The following CRACD variants were observed in gnomAD, a reference collection of about 807,000 sequenced individuals.
CRACD encodes capping protein-inhibiting regulator of actin dynamics.
Under a neutral mutation model 106.8 loss-of-function variants are expected in CRACD, and 56 were observed. The observed-to-expected ratio is 0.52, with a 90% CI of 0.42 to 0.66. CRACD has a LOEUF of 0.66. Ranked by LOEUF, CRACD falls within the 30% of genes least tolerant of loss-of-function variation. CRACD has a pLI of 0.00. For missense variants in CRACD, 1,730 were observed against 1,623.2 expected (o/e 1.07, Z -1.13); for synonymous variants, 754 against 670.8 (o/e 1.12, Z -1.92).
chr4:56,323,616 C>T (rs1289763311), intron 9 of CRACD, 49 bp downstream of exon 9: 1 of 1,456,970 alleles, frequency 6.9e-7, no homozygotes, highest in Non-Finnish European at 9.1e-7. Context: ...GAGCTTGGTT[C>T]TCTTTTCAGT....
chr4:56,276,090 G>A (rs376463749), intron 3 of CRACD, among the ~76,000 whole-genome samples: 1 of 152,134 alleles, frequency 6.6e-6, no homozygotes, highest in East Asian at 1.9e-4. Context: ...CTTTCTCTAG[G>A]TTAGAAGCCT....
rs531334934 is a variant in CRACD, at chr4:56,122,195, A to G, written c.-335-57089A>G. Among the ~76,000 whole-genome samples the G allele has an allele frequency of 3.9e-5, 6 of 152,032 alleles. No homozygotes were observed. The East Asian group carries it at 1.2e-3, about 29-fold the overall frequency. On this transcript the variant is annotated intron_variant, in intron 1 of 10. Transcript: ENST00000682029. ...TGAGATTCCATCTCTTTAAAAAAAA[A>G]TGTCCTTGTATTGTGCAAGAGGAGA...
chr4:56,287,867 A>T (rs1318932311), intron 3 of CRACD, among the ~76,000 whole-genome samples: 1 of 152,196 alleles, frequency 6.6e-6, no homozygotes, highest in Non-Finnish European at 1.5e-5. Flanking sequence ...GAGTTAGATC[A>T]AAGGGCTTAA....
chr4:56,278,173 G>A (rs1742786895), intron 3 of CRACD, among the ~76,000 whole-genome samples: 1 of 152,078 alleles, frequency 6.6e-6, no homozygotes, highest in Non-Finnish European at 1.5e-5. Context: ...AAATTCATAT[G>A]GAATTGCAGG....
At chr4:56,194,556 C>CT (rs1354811401) in intron 2 of CRACD, among the ~76,000 whole-genome samples, 3 of 152,166 alleles carry the variant, frequency 2.0e-5, no homozygotes, top group African/African-American at 7.2e-5. Flanking sequence ...GATATACAGC[C>CT]TTTGGGGGGT....
chr4:56,200,275 A>G (rs1252167255), intron 2 of CRACD, among the ~76,000 whole-genome samples: 1 of 152,122 alleles, frequency 6.6e-6, no homozygotes, highest in Non-Finnish European at 1.5e-5. Context: ...CTAGAACCTC[A>G]TTTTTTTATA....
chr4:56,110,888 C>T (rs765085192), intron 1 of CRACD, among the ~76,000 whole-genome samples: 1 of 152,254 alleles, frequency 6.6e-6, no homozygotes, highest in South Asian at 2.1e-4. Flanking sequence ...TGAGCCGCTG[C>T]GTCCAGCCTA....
At chr4:56,262,672 G>A (rs993722205) in intron 2 of CRACD, among the ~76,000 whole-genome samples, 11 of 152,162 alleles carry the variant, frequency 7.2e-5, no homozygotes, top group African/African-American at 2.4e-4. Context: ...TACCAATCAC[G>A]TTGAAACAAA....
intron 2 of CRACD, among the ~76,000 whole-genome samples, chr4:56,204,691 A>G (rs1738040594): frequency 6.6e-6 from 1 of 152,220 alleles, no homozygotes; most frequent in Non-Finnish European, 1.5e-5. Context: ...CAAGAAAGAA[A>G]AGAACTTAAA....
chr4:56,162,150 TG>T (rs1463755148), intron 1 of CRACD, among the ~76,000 whole-genome samples: 1 of 152,008 alleles, frequency 6.6e-6, no homozygotes, highest in African/African-American at 2.4e-5. Flanking sequence ...GGATCAGAGA[TG>T]GGTAGATTTT....
At position 56,179,312 on chromosome 4, in the gene CRACD, C is replaced by G. The variant is rs1420385891; in HGVS notation, c.-307C>G. The G allele has an allele frequency of 6.6e-6, 1 of 151,580 alleles. No individual in the cohort carries two copies. Among genetic ancestry groups the G allele is most frequent in the Non-Finnish European group, 1.5e-5 (1 of 67,904 alleles). 9.4% of individuals were successfully genotyped at this position (151,580 alleles called of 1,614,324 possible). ...ACAAGAGCAGTGATTCCCAGGCTTT[C>G]TCAGCAATGTACCCCATTTCCTGAC... On this transcript the variant is annotated 5_prime_UTR_variant, in exon 2 of 11. Transcript: ENST00000682029.
intron 2 of CRACD, among the ~76,000 whole-genome samples, chr4:56,211,527 A>G (rs894987512): frequency 6.6e-6 from 1 of 152,230 alleles, no homozygotes; most frequent in Non-Finnish European, 1.5e-5. Context: ...AAGAATGAGT[A>G]TACGCTGACA....
chr4:56,187,901 C>T (rs963718190), intron 2 of CRACD, among the ~76,000 whole-genome samples: 2 of 152,096 alleles, frequency 1.3e-5, no homozygotes, highest in African/African-American at 4.8e-5. Flanking sequence ...ATGTCCTCCA[C>T]TACTGTTTAC....
chr4:56,116,160 T>C (rs1734268507), intron 1 of CRACD, among the ~76,000 whole-genome samples: 1 of 152,232 alleles, frequency 6.6e-6, no homozygotes, highest in African/African-American at 2.4e-5. Flanking sequence ...CATGTGGATA[T>C]GTCTATTTAT....
intron 1 of CRACD, among the ~76,000 whole-genome samples, chr4:56,112,449 T>C (rs765594353): frequency 6.6e-6 from 1 of 152,086 alleles, no homozygotes; most frequent in Non-Finnish European, 1.5e-5. Flanking sequence ...GATTCAAAGA[T>C]TTTTGGATTT....
At chr4:56,309,052 T>A (rs1261293794) in intron 5 of CRACD, 3 of 474,434 alleles carry the variant, frequency 6.3e-6, no homozygotes, top group Non-Finnish European at 1.2e-5. Context: ...ATAAATAGAA[T>A]CATTTCAGAT....
At chr4:56,267,786 G>A (rs1023397678) in intron 2 of CRACD, among the ~76,000 whole-genome samples, 11 of 152,294 alleles carry the variant, frequency 7.2e-5, no homozygotes, top group East Asian at 1.9e-4. Context: ...AGGGTGATGC[G>A]TGTGTACTTG....
intron 1 of CRACD, among the ~76,000 whole-genome samples, chr4:56,117,164 G>T (rs1021926174): frequency 2.4e-4 from 37 of 151,884 alleles, no homozygotes; most frequent in Middle Eastern, 3.4e-3. Flanking sequence ...GGGACTACAG[G>T]TGCCCGCCAC....
In CRACD at chr4:56,142,960, C is replaced by T. The variant is rs542694790; in HGVS notation, c.-335-36324C>T. Among the ~76,000 whole-genome samples the T allele has an allele frequency of 4.0e-5, 6 of 151,748 alleles. No individual in the cohort carries two copies. The East Asian group carries it at 5.8e-4, about 15-fold the overall frequency. On this transcript the variant is annotated intron_variant, in intron 1 of 10. Transcript: ENST00000682029. ...CAGTGTTATATTCCATTTTACCATT[C>T]GGTAAGACAAGCTCCTTTTCATTGA...
Sources: allele counts gnomAD v4.1 joint callset (sites outside exome capture counted in the v4.1 genomes callset), GRCh38; gene constraint gnomAD v4.1.1; transcripts MANE v1.5; gene names NCBI Gene and HGNC (gene_info 2026-07-23, HGNC 2026-07-21).